Variants in SART3 observed in about 807,000 individuals in gnomAD.
SART3 encodes the protein HIV-1 Tat-interacting protein of 110kDa.
A neutral mutation model predicts 122.3 loss-of-function variants in SART3; 44 were observed. The ratio of observed to expected loss-of-function variants is 0.36; its 90% CI spans 0.28 to 0.46. SART3 has a LOEUF of 0.46. Among genes scored for constraint, SART3 ranks in the 20% least tolerant of loss-of-function variants. The pLI is 1.00. For missense variants in SART3, 1,101 were observed against 1,229.0 expected (o/e 0.90, Z 1.56); for synonymous variants, 442 against 454.0 (o/e 0.97, Z 0.34).
Position 108,535,449 on chromosome 12 carries a change from A to G in SART3, c.1466T>C (p.Met489Thr). The change falls in exon 12 of 19, where the codon ATG (methionine) becomes ACG (threonine). Residue 489 changes from methionine (M) to threonine (T), a missense_variant. By Grantham distance (81) the Met-to-Thr change is moderately conservative (BLOSUM62 -1). Around this residue, in one of 2 missense-constraint regions of SART3, gnomAD observed 885 missense variants for 1,080.1 expected, o/e 0.82. Coordinates refer to ENST00000546815, the MANE Select transcript of SART3 (RefSeq NM_014706.4). ...ATCCCAGAGTTCCCGAGCTTTCTGC[A>G]TGTTATTGCACAGTCGAGCCTAAAG... ...ARIEARLCNNMQKARELWDSI... is the reference protein window; with the variant it reads ...ARIEARLCNNTQKARELWDSI... The G allele has an allele frequency of 6.2e-7, 1 of 1,614,116 alleles. No individual in the cohort carries two copies. The highest frequency in any genetic ancestry group is 1.3e-5 in the African/African-American group (1 of 75,038).
At chr12:108,560,662 AC>A in intron 1 of SART3, 180 bp downstream of exon 1, 1 of 559,522 alleles carries the variant, frequency 1.8e-6, no homozygotes, top group Non-Finnish European at 3.1e-6. Context: ...CAATGAGATA[AC>A]GTTTGCAAGG....
Position 108,524,436 on chromosome 12 carries a change from G to A in SART3, c.2594C>T (p.Thr865Ile), listed in dbSNP as rs2136659180. 1 of 1,614,094 alleles carries A rather than the reference G, an allele frequency of 6.2e-7. No homozygotes were observed. The highest frequency in any genetic ancestry group is 8.5e-7 in the Non-Finnish European group (1 of 1,179,964). The change falls in exon 18 of 19, where the codon ACT becomes ATT. Residue 865 changes from threonine (T) to isoleucine (I), a missense_variant. Around this residue, in one of 2 missense-constraint regions of SART3, gnomAD observed 885 missense variants for 1,080.1 expected, o/e 0.82. Coordinates refer to ENST00000546815, the MANE Select transcript of SART3 (RefSeq NM_014706.4). ...CACTTTGATGATGTTCTCTTTGATA[G>A]TCATGCCGTCCATCTTCATCACAGC... ...SQAVMKMDGMTIKENIIKVAI... is the reference protein window; with the variant it reads ...SQAVMKMDGMIIKENIIKVAI...
chr12:108,524,541 C>T (rs766054293), intron 17 of SART3, 35 bp from the exon 18 acceptor site: 2 of 1,604,772 alleles, frequency 1.2e-6, no homozygotes, highest in Non-Finnish European at 1.7e-6. Context: ...AAGTCAGATC[C>T]CGCAGACTAG....
In SART3 at chr12:108,532,643, C is replaced by A. The variant is rs114866642; in HGVS notation, c.1557-309G>T. ...CATGTGCGGCACATGGCGGGGGAGT[C>A]CAACAGCTCTCTGTAACCTGATACA... On this transcript the variant is annotated intron_variant, in intron 12 of 18. Transcript: ENST00000546815. 515 of 367,622 alleles carry A rather than the reference C, an allele frequency of 1.4e-3. 6 individuals are homozygous for A. Among genetic ancestry groups the A allele is most frequent in the African/African-American group, 9.6e-3 (456 of 47,484 alleles). The allele number at this position is 367,622 out of a possible 1,614,324, so 22.8% of individuals were successfully genotyped here.
At chr12:108,525,239 C>T (rs970822805) in intron 17 of SART3, among the ~76,000 whole-genome samples, 1 of 152,232 alleles carries the variant, frequency 6.6e-6, no homozygotes, top group African/African-American at 2.4e-5. Flanking sequence ...TCCTCTATTT[C>T]CAAGTGTCTT....
At chr12:108,531,568 T>C in intron 13 of SART3, 2 of 355,344 alleles carry the variant, frequency 5.6e-6, no homozygotes, top group Non-Finnish European at 1.0e-5. Context: ...TACATTTATA[T>C]TAAGACTGAA....
chr12:108,551,594 C>T (rs560753286), intron 1 of SART3, among the ~76,000 whole-genome samples: 9 of 152,078 alleles, frequency 5.9e-5, no homozygotes, highest in East Asian at 3.9e-4. Context: ...AACTCAATAA[C>T]GCCGTCAACG....
intron 1 of SART3, among the ~76,000 whole-genome samples, chr12:108,551,205 G>A (rs1359569497): frequency 6.6e-6 from 1 of 152,208 alleles, no homozygotes; most frequent in African/African-American, 2.4e-5. Flanking sequence ...ATCACATAAC[G>A]TACACTTCAG....
intron 1 of SART3, among the ~76,000 whole-genome samples, chr12:108,554,695 A>T (rs2030144939): frequency 6.7e-6 from 1 of 148,840 alleles, no homozygotes; most frequent in Non-Finnish European, 1.5e-5. Context: ...TATTTAGTAA[A>T]TTTAATAATA....
chr12:108,553,601 T>C (rs929700686), intron 1 of SART3, among the ~76,000 whole-genome samples: 2 of 152,188 alleles, frequency 1.3e-5, no homozygotes, highest in African/African-American at 4.8e-5. Context: ...AATTACACTC[T>C]ACCATCTGAC....
At chr12:108,553,702 T>G (rs1232053117) in intron 1 of SART3, among the ~76,000 whole-genome samples, 1 of 152,166 alleles carries the variant, frequency 6.6e-6, no homozygotes, top group Non-Finnish European at 1.5e-5. Flanking sequence ...AGGATAAAAA[T>G]CTTAACAATG....
At chr12:108,552,071 C>T (rs966381732) in intron 1 of SART3, among the ~76,000 whole-genome samples, 1 of 152,014 alleles carries the variant, frequency 6.6e-6, no homozygotes, top group Admixed American at 6.6e-5. Context: ...TACTGTAATC[C>T]AGTGTATCAA....
At chr12:108,544,532 G>A in intron 4 of SART3, 54 bp from the exon 5 acceptor site, 1 of 1,613,830 alleles carries the variant, frequency 6.2e-7, no homozygotes, top group South Asian at 1.1e-5. Flanking sequence ...CCAGCTACGG[G>A]CTAAAGAAGC....
intron 1 of SART3, 69 bp from the exon 2 acceptor site, chr12:108,549,283 G>C: frequency 6.5e-7 from 1 of 1,528,602 alleles, no homozygotes; most frequent in Non-Finnish European, 9.0e-7. Flanking sequence ...TGTCACTACT[G>C]GTAACTACAC....
chr12:108,559,046 A>AG (rs1555206895), intron 1 of SART3, among the ~76,000 whole-genome samples: 1 of 146,044 alleles, frequency 6.8e-6, no homozygotes, highest in East Asian at 1.9e-4. Flanking sequence ...AAAGAAAAAA[A>AG]AAAAAAAAAA....
At chr12:108,553,046 A>C (rs1250833784) in intron 1 of SART3, among the ~76,000 whole-genome samples, 1 of 152,166 alleles carries the variant, frequency 6.6e-6, no homozygotes, top group Non-Finnish European at 1.5e-5. Context: ...TGCCCAAATA[A>C]TTTTTGACAA....
chr12:108,524,283 A>G (rs764538551), intron 18 of SART3, 33 bp downstream of exon 18: 145 of 1,586,764 alleles, frequency 9.1e-5, no homozygotes, highest in Admixed American at 4.3e-4. Context: ...AGCCAGGACG[A>G]AGTTTGCACT....
intron 12 of SART3, among the ~76,000 whole-genome samples, chr12:108,534,096 C>T (rs1364151564): frequency 2.0e-5 from 3 of 151,918 alleles, no homozygotes; most frequent in Non-Finnish European, 2.9e-5. Flanking sequence ...ATAGAAAACA[C>T]TGCCACTTTT....
intron 9 of SART3, 47 bp from the exon 10 acceptor site, chr12:108,536,832 CTTTGT>C (rs528050925): frequency 9.7e-5 from 151 of 1,553,340 alleles, no homozygotes; most frequent in African/African-American, 7.7e-4. Context: ...CATAGCCTGG[CTTTGT>C]TTTATTTTTT....
Sources: allele counts gnomAD v4.1 joint callset (sites outside exome capture counted in the v4.1 genomes callset), GRCh38; gene constraint gnomAD v4.1.1; regional missense constraint gnomAD v4.1.1; transcripts MANE v1.5; gene names NCBI Gene and HGNC (gene_info 2026-07-23, HGNC 2026-07-21).